ZNF713: variants seen among roughly 807,000 people sequenced by gnomAD.
ZNF713 encodes zinc finger protein 713.
ZNF713 carries 21 observed loss-of-function variants against 28.7 expected under a neutral mutation model. The ratio of observed to expected loss-of-function variants is 0.73; its 90% confidence interval spans 0.52 to 1.05. The LOEUF (loss-of-function observed/expected upper bound fraction) is 1.05, where lower values mean the gene tolerates loss of function less well. ZNF713 is among the 50% of genes least tolerant of loss of function. The pLI is 0.00. For synonymous variants in ZNF713, 167 were observed against 178.0 expected (o/e 0.94, Z 0.49); for missense variants, 458 against 532.4 (o/e 0.86, Z 1.37).
chr7:55,923,492 T>G (rs1231534019), intron 5 of ZNF713, 115 bp from the exon 6 acceptor site: 2 of 1,101,384 alleles, frequency 1.8e-6, no homozygotes, highest in Non-Finnish European at 2.6e-6. Flanking sequence ...GGCTTTATTT[T>G]GCTGCCTCTG....
chr7:55,915,901 A>G, intron 4 of ZNF713, among the ~76,000 whole-genome samples: 1 of 152,222 alleles, frequency 6.6e-6, no homozygotes, highest in Middle Eastern at 3.2e-3. Context: ...CTGGTGCTAT[A>G]TACTAACTGA....
chr7:55,887,856 G>T (rs1785298367), intron 1 of ZNF713, among the ~76,000 whole-genome samples, 176 bp downstream of exon 1: 1 of 13,488 alleles, frequency 7.4e-5, no homozygotes, highest in Non-Finnish European at 1.3e-4. Flanking sequence ...GGCGGCGGCG[G>T]GCGGCGGGCG....
chr7:55,921,670 G>T (rs1293478371), intron 4 of ZNF713, among the ~76,000 whole-genome samples: 2 of 152,120 alleles, frequency 1.3e-5, no homozygotes, highest in Non-Finnish European at 2.9e-5. Flanking sequence ...GCTTAAGGAT[G>T]AGGAAAAAAA....
rs1190331901 is a variant in ZNF713, at chr7:55,940,436, T to C, written c.*430T>C. ...ACTGCGCCTGGCCATAAACTTTCAA[T>C]GCGTAGAAACCAAATTAATTTAGAC... is the stretch of plus-strand genomic sequence containing the variant. On this transcript the variant is annotated 3_prime_UTR_variant, in exon 7 of 7. Transcript: ENST00000429591. 1 of 987,706 alleles carries C rather than the reference T, an allele frequency of 1.0e-6. No individual in the cohort carries two copies. The highest frequency in any genetic ancestry group is 1.7e-5 in the African/African-American group (1 of 57,272). 61.2% of individuals were successfully genotyped at this position (987,706 alleles called of 1,614,324 possible).
At chr7:55,910,786 G>A (rs977815810) in intron 2 of ZNF713, among the ~76,000 whole-genome samples, 4 of 152,136 alleles carry the variant, frequency 2.6e-5, no homozygotes, top group African/African-American at 9.7e-5. Context: ...ATGAGCCACC[G>A]TGCCTGGCTC....
At chr7:55,916,387 C>A (rs1299938875) in intron 4 of ZNF713, among the ~76,000 whole-genome samples, 1 of 152,238 alleles carries the variant, frequency 6.6e-6, no homozygotes, top group Non-Finnish European at 1.5e-5. Context: ...CCAGTGCCAT[C>A]TTTCCTGACC....
chr7:55,939,074 G>A lies in ZNF713; in HGVS notation c.400G>A (p.Ala134Thr), dbSNP rs562676563. The A allele has an allele frequency of 5.0e-6, 8 of 1,613,982 alleles. No homozygotes were observed. In the East Asian group the frequency reaches 6.7e-5, roughly 13 times the overall value. The stretch of plus-strand genomic sequence containing the variant: ...CCATGAGATGATAATGGAGAGACTC[G>A]CAGGAGACAGCTTCTGGTACTCCAT... ...QTHEMIMERL[A>T]GDSFWYSILG... The change falls in exon 7 of 7, where the codon GCA (alanine) becomes ACA (threonine). Residue 134 changes from alanine to threonine, a missense_variant. Ala to Thr is a moderately conservative substitution (Grantham distance 58). Transcript: ENST00000429591.
chr7:55,896,724 T>C (rs1338091586), intron 1 of ZNF713, among the ~76,000 whole-genome samples: 1 of 151,918 alleles, frequency 6.6e-6, no homozygotes, highest in African/African-American at 2.4e-5. Context: ...CTAGAAGCAA[T>C]GATACCCCAG....
At chr7:55,932,124 T>A (rs1488667158) in intron 6 of ZNF713, among the ~76,000 whole-genome samples, 1 of 152,248 alleles carries the variant, frequency 6.6e-6, no homozygotes, top group African/African-American at 2.4e-5. Flanking sequence ...TCACATATAC[T>A]TTTAATTTTT....
chr7:55,889,954 C>T (rs1198955137), intron 1 of ZNF713, among the ~76,000 whole-genome samples: 2 of 152,110 alleles, frequency 1.3e-5, no homozygotes, highest in Non-Finnish European at 2.9e-5. Flanking sequence ...TCTCACAGTT[C>T]TAGAGGTGGG....
chr7:55,889,540 T>C (rs756851228), intron 1 of ZNF713, among the ~76,000 whole-genome samples: 29 of 152,224 alleles, frequency 1.9e-4, no homozygotes, highest in Non-Finnish European at 4.3e-4. Context: ...AGTTATTCGG[T>C]GATGAATGTT....
chr7:55,941,476 T>A lies in ZNF713; in HGVS notation c.*1470T>A, dbSNP rs1786470007. 6.6e-6 allele frequency: 1 copy of A among 151,444 alleles called. No individual in the cohort carries two copies. Among genetic ancestry groups the A allele is most frequent in the South Asian group, 2.1e-4 (1 of 4,806 alleles). 9.4% of individuals were successfully genotyped at this position (151,444 alleles called of 1,614,324 possible). A position where few individuals can be genotyped will look rare whatever the true frequency, so the allele number is the denominator to read the frequency against. On this transcript the variant is annotated 3_prime_UTR_variant, in exon 7 of 7. Transcript: ENST00000429591. ...CTCAAAAAAAAAAAAAAGTAAAATT[T>A]AAAAATAAAGGCGATGCTGTAGTGC...
intron 1 of ZNF713, among the ~76,000 whole-genome samples, chr7:55,904,821 G>A (rs188287112): frequency 6.6e-6 from 1 of 152,120 alleles, no homozygotes; most frequent in Non-Finnish European, 1.5e-5. Flanking sequence ...CCACCCCCTC[G>A]GCTCAAGCAT....
chr7:55,903,830 C>T (rs557633662), intron 1 of ZNF713, among the ~76,000 whole-genome samples: 3 of 152,086 alleles, frequency 2.0e-5, no homozygotes, highest in South Asian at 4.2e-4. Context: ...ACAGCAGGTC[C>T]GTGTGAATGA....
At chr7:55,907,246 A>G (rs6593290) in intron 2 of ZNF713, among the ~76,000 whole-genome samples, 124,931 of 152,136 alleles carry the variant, frequency 0.82, 51,827 homozygotes, top group East Asian at 0.95. Flanking sequence ...GCCTGGTATT[A>G]TGGTGTTTCC....
chr7:55,898,892 T>G (rs542194750), intron 1 of ZNF713, among the ~76,000 whole-genome samples: 1 of 152,176 alleles, frequency 6.6e-6, no homozygotes, highest in East Asian at 1.9e-4. Flanking sequence ...GATATGCAGA[T>G]TAAAACCACA....
intron 3 of ZNF713, among the ~76,000 whole-genome samples, chr7:55,912,376 A>T (rs1159379838): frequency 6.6e-6 from 1 of 152,074 alleles, no homozygotes; most frequent in Non-Finnish European, 1.5e-5. Flanking sequence ...TTAAATTGCC[A>T]TCAGTATTTA....
intron 4 of ZNF713, among the ~76,000 whole-genome samples, chr7:55,917,104 C>T (rs1785894480): frequency 6.6e-6 from 1 of 151,976 alleles, no homozygotes; most frequent in Admixed American, 6.5e-5. Flanking sequence ...GTCCCAGCTT[C>T]TTGGGAGGCT....
Position 55,923,260 on chromosome 7 carries a change from G to A in ZNF713, c.186G>A (p.Leu62=), listed in dbSNP as rs1358480218. Residue 62 remains leucine (L), a synonymous_variant, in exon 5 of 7, where the codon CTG becomes CTA. Transcript: ENST00000429591. ...AGAACCTCTATCGAGACGTGATGCT[G>A]GAGAACTACAGGAATCTAGTTGCAC... ...AQKNLYRDVM[L]ENYRNLVALG... 9.3e-6 allele frequency: 15 copies of A among 1,613,344 alleles called. No homozygotes were observed. Among genetic ancestry groups the A allele is most frequent in the Admixed American group, 1.7e-5 (1 of 59,818 alleles).
Sources: gnomAD v4.1 joint callset for allele counts (sites outside exome capture counted in the v4.1 genomes callset) on GRCh38, gnomAD v4.1.1 for gene constraint, MANE v1.5 for transcripts, NCBI Gene and HGNC (gene_info 2026-07-23, HGNC 2026-07-21) for gene names.